The following ADAM29 variants were observed in gnomAD, a reference collection of about 807,000 sequenced individuals.
ADAM29 encodes the protein disintegrin and metalloproteinase domain-containing protein 29.
For synonymous variants in ADAM29, 367 were observed against 342.3 expected, an observed-to-expected ratio of 1.07 and a Z score of -0.80; for missense variants, 969 against 1,001.8, an observed-to-expected ratio of 0.97 and a Z score of 0.44.
intron 2 of ADAM29, among the ~76,000 whole-genome samples, chr4:174,929,525 C>T (rs1331873371): frequency 6.6e-6 from 1 of 152,072 alleles, no homozygotes; most frequent in Admixed American, 6.6e-5. Context: ...TGCTGGTGCG[C>T]TTCCCGCCTC....
chr4:174,934,130 T>C (rs1222492343), intron 3 of ADAM29, among the ~76,000 whole-genome samples: 1 of 152,158 alleles, frequency 6.6e-6, no homozygotes, highest in Non-Finnish European at 1.5e-5. Flanking sequence ...CCAGCATCTG[T>C]TATTTTTTGA....
chr4:174,976,882 A>T lies in ADAM29; in HGVS notation c.1357A>T (p.Lys453Ter), dbSNP rs1049383230. ...AGACTGCAAGTTCCTACCATCAGGG[A>T]AAGTGTGTAGAAAGGAGGTCAATGA... ...CKDCKFLPSG[K>*]VCRKEVNECD... The change falls in exon 5 of 5, where the codon AAA becomes TAA. Residue 453 changes from lysine to a stop codon, truncating the protein, a stop_gained. Coordinates refer to ENST00000359240, the MANE Select transcript of ADAM29 (RefSeq NM_014269.4). LOFTEE classifies it low-confidence loss of function (END_TRUNC). 2.5e-6 allele frequency: 4 copies of T among 1,614,182 alleles called. No homozygotes were observed. Among genetic ancestry groups the T allele is most frequent in the Non-Finnish European group, 2.5e-6 (3 of 1,180,044 alleles).
chr4:174,977,710 C>A lies in ADAM29; in HGVS notation c.2185C>A (p.Pro729Thr). The A allele has an allele frequency of 1.2e-6, 2 of 1,614,262 alleles. No homozygotes were observed. The highest frequency in any genetic ancestry group is 1.7e-6 in the Non-Finnish European group (2 of 1,180,054). ...AATTCAGCGTCGACCTCATGAGTTA[C>A]CTCCCCAGAGTCAACCTTGGGTGAT... The part of the protein sequence containing the change: ...EKIQRRPHEL[P>T]PQSQPWVMPS... The change falls in exon 5 of 5, where the codon CCT becomes ACT. Residue 729 changes from proline (P) to threonine (T), a missense_variant. Transcript: ENST00000359240.
intron 2 of ADAM29, among the ~76,000 whole-genome samples, chr4:174,927,799 T>A (rs1192111950): frequency 6.6e-6 from 1 of 152,148 alleles, no homozygotes; most frequent in Non-Finnish European, 1.5e-5. Context: ...GAGTGGGGTT[T>A]CAGGATAAGC....
chr4:174,969,627 G>C (rs1302489990), intron 4 of ADAM29, among the ~76,000 whole-genome samples: 2 of 151,830 alleles, frequency 1.3e-5, no homozygotes, highest in African/African-American at 4.8e-5. Context: ...ATACATAAAA[G>C]AATGCTATAC....
intron 4 of ADAM29, among the ~76,000 whole-genome samples, chr4:174,951,450 AC>A (rs1480315260): frequency 6.6e-6 from 1 of 152,234 alleles, no homozygotes; most frequent in African/African-American, 2.4e-5. Context: ...ATCTTTCAAA[AC>A]AAAGAATAAA....
At chr4:174,923,560 TACACAC>T (rs1743307036) in intron 2 of ADAM29, among the ~76,000 whole-genome samples, 17 of 115,860 alleles carry the variant, frequency 1.5e-4, no homozygotes, top group South Asian at 2.7e-4. Flanking sequence ...TATATATATA[TACACAC>T]ACACATATAT....
chr4:174,942,189 C>A (rs187990233), intron 4 of ADAM29, among the ~76,000 whole-genome samples: 1 of 152,160 alleles, frequency 6.6e-6, no homozygotes, highest in Non-Finnish European at 1.5e-5. Context: ...AGTGCTGCAG[C>A]TTTTCCAAGC....
At chr4:174,944,180 T>C (rs1744705867) in intron 4 of ADAM29, among the ~76,000 whole-genome samples, 1 of 151,896 alleles carries the variant, frequency 6.6e-6, no homozygotes, top group African/African-American at 2.4e-5. Context: ...ATAGAAATCA[T>C]GAGATACAGC....
At chr4:174,973,698 T>C (rs1746593145) in intron 4 of ADAM29, among the ~76,000 whole-genome samples, 1 of 152,198 alleles carries the variant, frequency 6.6e-6, no homozygotes, top group South Asian at 2.1e-4. Context: ...AATATTATTA[T>C]ACTTTACTTT....
chr4:174,942,617 T>A (rs1419315618), intron 4 of ADAM29, among the ~76,000 whole-genome samples: 1 of 152,130 alleles, frequency 6.6e-6, no homozygotes, highest in East Asian at 1.9e-4. Flanking sequence ...CACAGAGCAG[T>A]TGGGCCCTGA....
intron 4 of ADAM29, among the ~76,000 whole-genome samples, chr4:174,966,984 G>A (rs993677393): frequency 2.0e-5 from 3 of 152,014 alleles, no homozygotes; most frequent in African/African-American, 2.4e-5. Context: ...TGCATATATC[G>A]CCCATCTAAG....
intron 3 of ADAM29, among the ~76,000 whole-genome samples, chr4:174,935,172 C>G (rs921814246): frequency 2.6e-5 from 4 of 152,056 alleles, no homozygotes; most frequent in African/African-American, 9.7e-5. Context: ...AGTTAACTTC[C>G]TTAGATAAGA....
chr4:174,966,732 T>C (rs902115381), intron 4 of ADAM29, among the ~76,000 whole-genome samples: 2 of 152,154 alleles, frequency 1.3e-5, no homozygotes, highest in African/African-American at 4.8e-5. Context: ...CTGGCCTGGG[T>C]TAGTCAAGAT....
Position 174,977,289 on chromosome 4 carries a change from G to A in ADAM29, c.1764G>A (p.Leu588=), listed in dbSNP as rs931397718. ...TGTGCTGGAGTACTGATTACCATTT[G>A]GGGATGAAGGGACCTGATATTGGTG... ...DIMCWSTDYH[L]GMKGPDIGEV... Residue 588 remains leucine, a synonymous_variant, in exon 5 of 5, where the codon TTG becomes TTA. Transcript: ENST00000359240. The A allele has an allele frequency of 2.5e-6, 4 of 1,613,724 alleles. No homozygotes were observed. The highest frequency in any genetic ancestry group is 3.3e-5 in the Admixed American group (2 of 59,996).
chr4:174,932,717 G>T (rs565614144), intron 3 of ADAM29, among the ~76,000 whole-genome samples: 1 of 152,136 alleles, frequency 6.6e-6, no homozygotes, highest in East Asian at 1.9e-4. Context: ...TTTCCCCTTT[G>T]TCCAAACTAA....
At position 174,976,255 on chromosome 4, in the gene ADAM29, T is replaced by C. The variant is rs1319465741; in HGVS notation, c.730T>C (p.Leu244=). The change falls in exon 5 of 5, where the codon TTA becomes CTA. Residue 244 remains leucine, a synonymous_variant. Transcript: ENST00000359240. The part of the protein sequence containing the change: ...SILDVIGVKV[L]LFGLEIWTNK... ...TTTGGATGTCATTGGTGTTAAGGTG[T>C]TATTATTTGGTTTGGAGATCTGGAC... 2 of 1,608,480 alleles carry C rather than the reference T, an allele frequency of 1.2e-6. No individual in the cohort carries two copies. Among genetic ancestry groups the C allele is most frequent in the South Asian group, 1.1e-5 (1 of 89,760 alleles).
At chr4:174,963,056 A>G (rs1745937632) in intron 4 of ADAM29, among the ~76,000 whole-genome samples, 1 of 152,196 alleles carries the variant, frequency 6.6e-6, no homozygotes, top group South Asian at 2.1e-4. Context: ...GGGACAATCT[A>G]TGAGGTAGTC....
At chr4:174,955,282 A>G (rs1049809813) in intron 4 of ADAM29, among the ~76,000 whole-genome samples, 1 of 152,020 alleles carries the variant, frequency 6.6e-6, no homozygotes, top group African/African-American at 2.4e-5. Context: ...GAAGAAAACA[A>G]CCCCTACTCC....
Sources: gnomAD v4.1 joint callset for allele counts (sites outside exome capture counted in the v4.1 genomes callset) on GRCh38, gnomAD v4.1.1 for gene constraint, MANE v1.5 for transcripts, NCBI Gene and HGNC (gene_info 2026-07-23, HGNC 2026-07-21) for gene names.